TDRD3: variants seen among roughly 807,000 people sequenced by gnomAD.
TDRD3 encodes the protein tudor domain containing 3, also known as tudor domain-containing protein 3.
TDRD3 carries 45 observed loss-of-function variants against 86.7 expected under a neutral mutation model. The observed-to-expected ratio is 0.52, with a 90% CI of 0.41 to 0.67. The LOEUF is 0.67. Ranked by LOEUF, TDRD3 falls within the 30% of genes least tolerant of loss-of-function variation. The probability of loss-of-function intolerance (pLI) is 0.00; values close to 1 mark genes in which losing one functional copy is unlikely to be tolerated. For synonymous variants in TDRD3, 298 were observed against 301.7 expected (o/e 0.99, Z 0.13); for missense variants, 814 against 889.0 (o/e 0.92, Z 1.07).
At chr13:60,527,866 G>A (rs1014556817) in intron 10 of TDRD3, among the ~76,000 whole-genome samples, 7 of 152,018 alleles carry the variant, frequency 4.6e-5, no homozygotes, top group African/African-American at 1.4e-4. Flanking sequence ...TGTTTGTAAC[G>A]TAAACACTTA....
intron 7 of TDRD3, among the ~76,000 whole-genome samples, chr13:60,492,560 G>C (rs1344822937): frequency 6.6e-6 from 1 of 152,200 alleles, no homozygotes; most frequent in Non-Finnish European, 1.5e-5. Flanking sequence ...GCCTTGTCTA[G>C]TTACAAAGCC....
In TDRD3 at chr13:60,474,612, CAATTATATGCT is replaced by C. The variant is rs140389318; in HGVS notation, c.495+7234_495+7244del. On this transcript the variant is annotated intron_variant, in intron 5 of 13. Transcript: ENST00000377881. ...CTTTATGCGTATTGTAAGACCCATA[CAATTATATGCT>C]TTCATGTACCCAGTTTTGTCTCTAT... Among the ~76,000 whole-genome samples, 949 of 152,308 alleles carry C rather than the reference CAATTATATGCT, an allele frequency of 6.2e-3. 8 individuals carry two copies. Among genetic ancestry groups the C allele is most frequent in the African/African-American group, 0.021 (891 of 41,568 alleles).
chr13:60,508,536 T>C (rs1956986421), intron 8 of TDRD3, among the ~76,000 whole-genome samples: 1 of 152,158 alleles, frequency 6.6e-6, no homozygotes, highest in Non-Finnish European at 1.5e-5. Context: ...TCCTATTTAA[T>C]AAATTTTGCT....
At chr13:60,511,788 A>G (rs1957065804) in intron 10 of TDRD3, among the ~76,000 whole-genome samples, 1 of 152,044 alleles carries the variant, frequency 6.6e-6, no homozygotes, top group South Asian at 2.1e-4. Context: ...AGACTGCTTT[A>G]TCTCCTAAAA....
chr13:60,433,064 A>G (rs1429003069), intron 1 of TDRD3, among the ~76,000 whole-genome samples: 4 of 152,250 alleles, frequency 2.6e-5, no homozygotes, highest in South Asian at 2.1e-4. Context: ...CCATTTGTGA[A>G]GAATGTTTTC....
Position 60,463,457 on chromosome 13 carries a change from A to AT in TDRD3, c.353+2923dup, listed in dbSNP as rs755603255. 5.3e-5 allele frequency among the ~76,000 whole-genome samples: 8 copies of AT among 152,124 alleles called. No individual in the cohort carries two copies. In the East Asian group the frequency reaches 5.8e-4, roughly 11 times the overall value. On this transcript the variant is annotated intron_variant, in intron 4 of 13. Transcript: ENST00000377881. ...CTTCAAGACATTGGTCTGGGCAAAA[A>AT]TTTTTTGGATAAGACCTCAAAAACA...
intron 1 of TDRD3, among the ~76,000 whole-genome samples, chr13:60,436,994 A>C (rs539951957): frequency 7.2e-6 from 1 of 138,594 alleles, no homozygotes; most frequent in African/African-American, 2.7e-5. Flanking sequence ...GAATTTGTCT[A>C]GTTCTGCTTT....
At position 60,439,735 on chromosome 13, in the gene TDRD3, A is replaced by G; in HGVS notation, c.89A>G (p.Lys30Arg). 1 of 1,544,990 alleles carries G rather than the reference A, an allele frequency of 6.5e-7. No homozygotes were observed. Among genetic ancestry groups the G allele is most frequent in the East Asian group, 2.5e-5 (1 of 40,654 alleles). ...GAAGCTTGCACAAGCTCTCCAGACAAAGTCAATGTAAATGACATCATCCTG... is the reference window on the plus strand; with the variant it reads ...GAAGCTTGCACAAGCTCTCCAGACAGAGTCAATGTAAATGACATCATCCTG... ...GIEACTSSPD[K>R]VNVNDIILIA... The change falls in exon 2 of 14, where the codon AAA becomes AGA. Residue 30 changes from lysine to arginine, a missense_variant. Transcript: ENST00000377881.
At chr13:60,415,126 A>T (rs987667807) in intron 1 of TDRD3, among the ~76,000 whole-genome samples, 55 of 152,172 alleles carry the variant, frequency 3.6e-4, no homozygotes, top group African/African-American at 1.3e-3. Flanking sequence ...AAAAAAATTC[A>T]TGTGTTGATT....
intron 1 of TDRD3, among the ~76,000 whole-genome samples, chr13:60,437,057 A>G (rs1955130458): frequency 7.0e-6 from 1 of 142,744 alleles, no homozygotes; most frequent in Non-Finnish European, 1.5e-5. Context: ...TTGGATAGCT[A>G]CTGGCTTTTT....
intron 1 of TDRD3, among the ~76,000 whole-genome samples, chr13:60,397,774 G>C (rs997571161): frequency 1.3e-5 from 2 of 151,818 alleles, no homozygotes; most frequent in South Asian, 2.1e-4. Context: ...CTCCGGGGAG[G>C]GGGTGTTTCT....
intron 5 of TDRD3, among the ~76,000 whole-genome samples, chr13:60,470,203 G>A (rs1566217935): frequency 6.6e-6 from 1 of 152,192 alleles, no homozygotes; most frequent in African/African-American, 2.4e-5. Flanking sequence ...GTTGCAGCAT[G>A]TGTCAGAATT....
chr13:60,523,768 G>A (rs796092332), intron 10 of TDRD3, among the ~76,000 whole-genome samples: 28 of 151,358 alleles, frequency 1.8e-4, no homozygotes, highest in African/African-American at 6.3e-4. Flanking sequence ...GTAGAGATGG[G>A]GTTTCACCAT....
At chr13:60,532,129 A>T (rs992766729) in intron 11 of TDRD3, among the ~76,000 whole-genome samples, 7 of 152,186 alleles carry the variant, frequency 4.6e-5, no homozygotes, top group Non-Finnish European at 1.0e-4. Context: ...TGAAAAAATT[A>T]AATTAAAAAA....
At chr13:60,497,830 C>G (rs1274588086) in intron 8 of TDRD3, among the ~76,000 whole-genome samples, 2 of 151,886 alleles carry the variant, frequency 1.3e-5, no homozygotes, top group Non-Finnish European at 2.9e-5. Flanking sequence ...CTTGAGTTTT[C>G]TAATTTATAT....
chr13:60,452,893 T>C (rs186140553), intron 3 of TDRD3, among the ~76,000 whole-genome samples: 6 of 152,156 alleles, frequency 3.9e-5, no homozygotes, highest in Admixed American at 3.9e-4. Context: ...TTTGTGCCTT[T>C]ACTCTTTGCT....
rs572042700 is a variant in TDRD3, at chr13:60,502,768, C to A, written c.859-6995C>A. ...TATATATATAGGTATGAGGCCAGTTCTCTCCATGGGAATTTTATTGTCTCT... is the reference window on the plus strand; with the variant it reads ...TATATATATAGGTATGAGGCCAGTTATCTCCATGGGAATTTTATTGTCTCT... On this transcript the variant is annotated intron_variant, in intron 8 of 13. Transcript: ENST00000377881. 7.2e-5 allele frequency among the ~76,000 whole-genome samples: 11 copies of A among 152,278 alleles called. No homozygotes were observed. The South Asian group carries it at 2.3e-3, about 32-fold the overall frequency.
chr13:60,510,542 T>C (rs1164655665), intron 9 of TDRD3, 88 bp from the exon 10 acceptor site: 5 of 1,234,824 alleles, frequency 4.0e-6, no homozygotes, highest in Non-Finnish European at 5.2e-6. Flanking sequence ...AAAATCCTTA[T>C]TTAAAATTAT....
At chr13:60,435,456 T>C (rs1272099244) in intron 1 of TDRD3, among the ~76,000 whole-genome samples, 1 of 152,156 alleles carries the variant, frequency 6.6e-6, no homozygotes, top group African/African-American at 2.4e-5. Context: ...AAGTCCATTA[T>C]ATCACTCTAT....
Sources: allele counts gnomAD v4.1 joint callset (sites outside exome capture counted in the v4.1 genomes callset), GRCh38; gene constraint gnomAD v4.1.1; transcripts MANE v1.5; gene names NCBI Gene and HGNC (gene_info 2026-07-23, HGNC 2026-07-21).